THADA: variants seen among roughly 807,000 people sequenced by gnomAD.
THADA encodes the protein THADA armadillo repeat containing.
Under a neutral mutation model 219.8 loss-of-function variants are expected in THADA, and 213 were observed. That is an observed-to-expected ratio of 0.97 (90% CI 0.87 to 1.09). The LOEUF (loss-of-function observed/expected upper bound fraction) is 1.09, where lower values mean the gene tolerates loss of function less well. THADA is among the 50% of genes least tolerant of loss of function. THADA has a pLI of 0.00. For missense variants in THADA, 2,956 were observed against 2,311.3 expected (o/e 1.28, Z -5.72); for synonymous variants, 1,018 against 828.9 (o/e 1.23, Z -3.92).
At chr2:43,572,723 G>T (rs1290488207) in intron 12 of THADA, 91 bp downstream of exon 12, 7 of 1,210,670 alleles carry the variant, frequency 5.8e-6, no homozygotes, top group Non-Finnish European at 3.4e-6. Flanking sequence ...CCCTAAAACA[G>T]TTCAGGATAC....
At chr2:43,324,558 A>AT (rs1679106994) in intron 30 of THADA, among the ~76,000 whole-genome samples, 1 of 152,262 alleles carries the variant, frequency 6.6e-6, no homozygotes, top group South Asian at 2.1e-4. Flanking sequence ...CCAAGGCCTT[A>AT]TAACATCCCT....
intron 21 of THADA, among the ~76,000 whole-genome samples, chr2:43,535,487 T>C (rs1694456594): frequency 6.6e-6 from 1 of 151,468 alleles, no homozygotes; most frequent in Non-Finnish European, 1.5e-5. Flanking sequence ...GAGACCAGTC[T>C]GGCCAACATG....
chr2:43,579,836 G>A (rs1700223554), intron 8 of THADA, among the ~76,000 whole-genome samples: 1 of 152,190 alleles, frequency 6.6e-6, no homozygotes, highest in South Asian at 2.1e-4. Context: ...CAGAAAAGCA[G>A]AAAATGTGTG....
At chr2:43,238,743 T>C (rs942251006) in intron 36 of THADA, among the ~76,000 whole-genome samples, 2 of 152,022 alleles carry the variant, frequency 1.3e-5, no homozygotes, top group African/African-American at 4.8e-5. Context: ...ATAAATAAAA[T>C]GCTGTTATAA....
At chr2:43,318,246 T>G (rs906893914) in intron 31 of THADA, among the ~76,000 whole-genome samples, 2 of 151,964 alleles carry the variant, frequency 1.3e-5, no homozygotes, top group Non-Finnish European at 2.9e-5. Flanking sequence ...CTCACTATGC[T>G]GCCAGGCTGG....
Position 43,531,319 on chromosome 2 carries a change from T to C in THADA, c.3265-3331A>G, listed in dbSNP as rs542443309. ...ATGAGAAGAGGCTGGGAGACTAGAA[T>C]GAATAGACCAACACTAAATAAGTGC... On this transcript the variant is annotated intron_variant, in intron 21 of 37. Transcript: ENST00000405975. Among the ~76,000 whole-genome samples the C allele has an allele frequency of 6.7e-4, 102 of 152,356 alleles. 1 individual carries two copies. Among genetic ancestry groups the C allele is most frequent in the Non-Finnish European group, 1.3e-3 (91 of 68,036 alleles).
intron 36 of THADA, among the ~76,000 whole-genome samples, chr2:43,262,680 G>A (rs1671091920): frequency 6.6e-6 from 1 of 152,156 alleles, no homozygotes; most frequent in Non-Finnish European, 1.5e-5. Flanking sequence ...TTCTATTTCA[G>A]TTATATTAGT....
chr2:43,332,180 G>A (rs1367368500), intron 30 of THADA, among the ~76,000 whole-genome samples: 4 of 152,160 alleles, frequency 2.6e-5, no homozygotes, highest in Non-Finnish European at 5.9e-5. Context: ...CCAACTCCCA[G>A]GTTCAAACAA....
intron 36 of THADA, among the ~76,000 whole-genome samples, chr2:43,242,882 T>C (rs190193798): frequency 6.6e-6 from 1 of 152,324 alleles, no homozygotes; most frequent in African/African-American, 2.4e-5. Context: ...ATTTTCCGTT[T>C]TCCATTCTGT....
chr2:43,264,042 G>C lies in THADA; in HGVS notation c.5296+15723C>G, dbSNP rs1458217051. Among the ~76,000 whole-genome samples the C allele has an allele frequency of 2.0e-5, 3 of 152,254 alleles. No individual in the cohort carries two copies. The East Asian group carries it at 5.8e-4, about 29-fold the overall frequency. On this transcript the variant is annotated intron_variant, in intron 36 of 37. Transcript: ENST00000405975. ...GAAATTATTTTCCTCCATGGGCTGA[G>C]ACAGCTAGCCTCCATCTAGGCAAAC...
chr2:43,257,416 G>A (rs1188766539), intron 36 of THADA, among the ~76,000 whole-genome samples: 2 of 152,208 alleles, frequency 1.3e-5, no homozygotes, highest in Non-Finnish European at 2.9e-5. Flanking sequence ...GAGGAGAGAG[G>A]AGGCTTCTCC....
intron 26 of THADA, among the ~76,000 whole-genome samples, chr2:43,461,444 C>T (rs1683632111): frequency 6.6e-6 from 1 of 152,118 alleles, no homozygotes; most frequent in African/African-American, 2.4e-5. Context: ...CTAACTACAT[C>T]CACTCCCTGA....
intron 30 of THADA, among the ~76,000 whole-genome samples, chr2:43,336,704 G>A (rs1411026842): frequency 6.6e-6 from 1 of 152,162 alleles, no homozygotes; most frequent in African/African-American, 2.4e-5. Context: ...AAACTCTGAG[G>A]GTAAGGCCTG....
At chr2:43,401,153 G>T (rs528784580) in intron 28 of THADA, among the ~76,000 whole-genome samples, 8 of 152,258 alleles carry the variant, frequency 5.3e-5, no homozygotes, top group Admixed American at 3.3e-4. Flanking sequence ...GAATCTGCAA[G>T]GTACACAGAC....
Position 43,232,713 on chromosome 2 carries a change from C to T in THADA, c.5466G>A (p.Gln1822=). The T allele has an allele frequency of 6.2e-7, 1 of 1,613,730 alleles. No individual in the cohort carries two copies. Among genetic ancestry groups the T allele is most frequent in the South Asian group, 1.1e-5 (1 of 91,038 alleles). ...TACTCCCCTGACACCCCGGGATCACCTGATGCATGCTCTCCACACAGGCCA... is the reference window on the plus strand; with the variant it reads ...TACTCCCCTGACACCCCGGGATCACTTGATGCATGCTCTCCACACAGGCCA... The part of the protein sequence containing the change: ...DLVACVESMH[Q]VEEDYLFEKA... The change falls in exon 37 of 38, where the codon CAG becomes CAA. Residue 1822 remains glutamine, a splice_region_variant and synonymous_variant. Transcript: ENST00000405975.
At chr2:43,248,162 T>TAGAGAGAGAGAGAGAGAG (rs1669406546) in intron 36 of THADA, among the ~76,000 whole-genome samples, 2 of 44,400 alleles carry the variant, frequency 4.5e-5, no homozygotes, top group South Asian at 9.2e-4. Flanking sequence ...TATATATATA[T>TAGAGAGAGAGAGAGAGAG]ATAGAGAGAG....
intron 26 of THADA, among the ~76,000 whole-genome samples, chr2:43,465,630 G>C (rs1251228860): frequency 6.6e-6 from 1 of 152,130 alleles, no homozygotes; most frequent in Admixed American, 6.5e-5. Flanking sequence ...GTCTGCTGAG[G>C]GATCCTCATC....
At chr2:43,402,680 G>C (rs571425784) in intron 28 of THADA, among the ~76,000 whole-genome samples, 18 of 152,310 alleles carry the variant, frequency 1.2e-4, no homozygotes, top group African/African-American at 4.1e-4. Flanking sequence ...CAGAGAACTG[G>C]AGAGAAAATC....
At chr2:43,323,487 T>C (rs1451507027) in intron 30 of THADA, among the ~76,000 whole-genome samples, 1 of 152,194 alleles carries the variant, frequency 6.6e-6, no homozygotes, top group East Asian at 1.9e-4. Context: ...ACTTCATTGA[T>C]ATCATTCCCA....
Sources: gnomAD v4.1 joint callset for allele counts (sites outside exome capture counted in the v4.1 genomes callset) on GRCh38, gnomAD v4.1.1 for gene constraint, MANE v1.5 for transcripts, NCBI Gene and HGNC (gene_info 2026-07-23, HGNC 2026-07-21) for gene names.